ACOT7: variants seen among roughly 807,000 people sequenced by gnomAD.
The protein encoded by ACOT7 is cytosolic acyl coenzyme A thioester hydrolase.
Under a neutral mutation model 40.2 loss-of-function variants are expected in ACOT7, and 12 were observed. That is an observed-to-expected ratio of 0.30 (90% confidence interval 0.19 to 0.48). The LOEUF (loss-of-function observed/expected upper bound fraction) is 0.48, where lower values mean the gene tolerates loss of function less well. Ranked by LOEUF, ACOT7 falls within the 20% of genes least tolerant of loss-of-function variation. The pLI is 0.99. For synonymous variants in ACOT7, 228 were observed against 219.5 expected (o/e 1.04, Z -0.34); for missense variants, 395 against 530.8 (o/e 0.74, Z 2.51).
rs1641851286 is a variant in ACOT7, at chr1:6,359,949, C to T, written c.144-10083G>A. On this transcript the variant is annotated intron_variant, in intron 1 of 8. Coordinates refer to ENST00000361521, the MANE Select transcript of ACOT7 (RefSeq NM_007274.4). The surrounding 1 kb of genome is among the most constrained non-coding windows in gnomAD (Gnocchi z 4.1). ...TGGAACAGCCGGCCCTTATCAAGGC[C>T]CTTATCAAACTGCCAGAGCCTGGGC... Among the ~76,000 whole-genome samples the T allele has an allele frequency of 6.6e-6, 1 of 152,204 alleles. No homozygotes were observed. Among genetic ancestry groups the T allele is most frequent in the Non-Finnish European group, 1.5e-5 (1 of 68,028 alleles).
chr1:6,292,889 CTTT>C (rs973103642), intron 7 of ACOT7, among the ~76,000 whole-genome samples: 2 of 125,084 alleles, frequency 1.6e-5, no homozygotes, highest in Non-Finnish European at 1.7e-5. Context: ...ATTTCTTTTT[CTTT>C]TTTTTTTTTT....
At position 6,362,313 on chromosome 1, in the gene ACOT7, G is replaced by A. The variant is rs577492765; in HGVS notation, c.144-12447C>T. Among the ~76,000 whole-genome samples the A allele has an allele frequency of 1.4e-4, 22 of 151,942 alleles. No individual in the cohort carries two copies. The South Asian group carries it at 4.4e-3, about 30-fold the overall frequency. ...GGGCATGGTGGTGGGCGCCTGTAATGCCAGCTACTTGGGAGGCTAAGGCAA... is the reference window on the plus strand; with the variant it reads ...GGGCATGGTGGTGGGCGCCTGTAATACCAGCTACTTGGGAGGCTAAGGCAA... On this transcript the variant is annotated intron_variant, in intron 1 of 8. Coordinates refer to ENST00000361521, the MANE Select transcript of ACOT7 (RefSeq NM_007274.4).
At chr1:6,286,737 G>A (rs977597501) in intron 7 of ACOT7, among the ~76,000 whole-genome samples, 3 of 152,174 alleles carry the variant, frequency 2.0e-5, no homozygotes, top group Non-Finnish European at 2.9e-5. Flanking sequence ...GGCATTTTGG[G>A]GGTAACTTCC....
intron 8 of ACOT7, among the ~76,000 whole-genome samples, chr1:6,271,355 G>A (rs930991421): frequency 1.3e-5 from 2 of 152,142 alleles, no homozygotes; most frequent in Non-Finnish European, 2.9e-5. Flanking sequence ...GAGGGACACA[G>A]ACCTTCTTAA....
Position 6,337,763 on chromosome 1 carries a change from T to G in ACOT7, c.418+1670A>C, listed in dbSNP as rs374779822. On this transcript the variant is annotated intron_variant, in intron 3 of 8. Coordinates refer to ENST00000361521, the MANE Select transcript of ACOT7 (RefSeq NM_007274.4). ...GCCGAGGCAGCTGGATCACCTGAGG[T>G]CAGGAGTTTCAGACCACCCTGGCCA... Among the ~76,000 whole-genome samples, 212 of 152,042 alleles carry G rather than the reference T, an allele frequency of 1.4e-3. 12 individuals carry two copies. The South Asian group carries it at 0.042, about 30-fold the overall frequency.
At position 6,349,677 on chromosome 1, in the gene ACOT7, C is replaced by T. The variant is rs114500024; in HGVS notation, c.261+72G>A. ...AGGGAAGGCTGCAGGCCTGGCTCCC[C>T]GGGGAACTCCTGTCCTGAACTCACA... is the stretch of plus-strand genomic sequence containing the variant. On this transcript the variant is annotated intron_variant, in intron 2 of 8. Transcript: ENST00000361521. 3,190 of 1,457,124 alleles carry T rather than the reference C, an allele frequency of 2.2e-3. 49 individuals are homozygous for T. In the African/African-American group the frequency reaches 0.036, roughly 17 times the overall value. 90.3% of individuals were successfully genotyped at this position (1,457,124 alleles called of 1,614,324 possible). A position where few individuals can be genotyped will look rare whatever the true frequency, so the allele number is the denominator to read the frequency against.
chr1:6,272,924 G>A (rs2148368042), intron 8 of ACOT7, among the ~76,000 whole-genome samples: 1 of 152,332 alleles, frequency 6.6e-6, no homozygotes, highest in South Asian at 2.1e-4. Flanking sequence ...TCCTGGCAGT[G>A]CTCACTCTGT....
chr1:6,304,073 TAAG>T (rs1640046980), intron 6 of ACOT7, among the ~76,000 whole-genome samples: 2 of 152,082 alleles, frequency 1.3e-5, no homozygotes, highest in South Asian at 2.1e-4. Flanking sequence ...GGCCCACCCC[TAAG>T]AAGGACAGGC....
At chr1:6,354,398 G>A (rs1247831054) in intron 1 of ACOT7, among the ~76,000 whole-genome samples, 1 of 152,262 alleles carries the variant, frequency 6.6e-6, no homozygotes, top group Non-Finnish European at 1.5e-5. Context: ...TGCCCAGCGA[G>A]CTCCAGAAAC....
Position 6,365,712 on chromosome 1 carries a change from G to A in ACOT7, c.144-15846C>T, listed in dbSNP as rs188913179. ...AAACCCGGGAGGCGGAGCTTGCAGT[G>A]AGCCGAGATCGCACCACTGCACTCC... is the stretch of plus-strand genomic sequence containing the variant. On this transcript the variant is annotated intron_variant, in intron 1 of 8. Coordinates refer to ENST00000361521, the MANE Select transcript of ACOT7 (RefSeq NM_007274.4). Among the ~76,000 whole-genome samples the A allele has an allele frequency of 7.7e-4, 116 of 150,342 alleles. 1 individual carries two copies. The highest frequency in any genetic ancestry group is 2.8e-3 in the African/African-American group (115 of 41,024).
chr1:6,339,865 G>A (rs565087981), intron 2 of ACOT7, among the ~76,000 whole-genome samples: 4 of 149,098 alleles, frequency 2.7e-5, no homozygotes, highest in South Asian at 2.2e-4. Context: ...TCAGCCTCCC[G>A]AGTAGCTAGG....
chr1:6,273,173 G>C (rs928745895), intron 8 of ACOT7, among the ~76,000 whole-genome samples: 5 of 152,220 alleles, frequency 3.3e-5, no homozygotes, highest in African/African-American at 1.2e-4. Context: ...GTGGCTGTCT[G>C]GACACAGTGG....
rs7543514 is a variant in ACOT7 at position 6,306,411 on chromosome 1, T to C, written c.713-11431A>G. On this transcript the variant is annotated intron_variant, in intron 6 of 8. Transcript: ENST00000361521. This position sits in a 1 kb window ranked among gnomAD's most constrained non-coding sequence, Gnocchi z 4.3. ...CCTGGGACAGGTGCCTATAGGATGC[T>C]TGGACTGGAGTGATATGAACCCCAC... The C allele has an allele frequency of 0.075, 74,287 of 985,018 alleles. 6,495 individuals are homozygous for C. The highest frequency in any genetic ancestry group is 0.41 in the African/African-American group (23,539 of 57,148). The allele number at this position is 985,018 out of a possible 1,614,324, so 61.0% of individuals were successfully genotyped here.
chr1:6,363,682 G>A (rs929538838), intron 1 of ACOT7, among the ~76,000 whole-genome samples: 18 of 152,210 alleles, frequency 1.2e-4, no homozygotes, highest in African/African-American at 2.9e-4. Flanking sequence ...TGTGACCCAC[G>A]TGACCTTACC....
In ACOT7 at chr1:6,352,594, C is replaced by CTTT. The variant is rs748612683; in HGVS notation, c.144-2731_144-2729dup. Among the ~76,000 whole-genome samples the CTTT allele has an allele frequency of 1.4e-5, 2 of 143,604 alleles. No individual in the cohort carries two copies. The highest frequency in any genetic ancestry group is 5.1e-5 in the African/African-American group (2 of 39,214). 94.2% of individuals were successfully genotyped at this position (143,604 alleles called of 152,430 possible). The stretch of plus-strand genomic sequence containing the variant: ...CACTGGAGACTTCGTTTTCCCATTT[C>CTTT]TTTTTTTTTTTTTTTGAGACGGCGT... On this transcript the variant is annotated intron_variant, in intron 1 of 8. Coordinates refer to ENST00000361521, the MANE Select transcript of ACOT7 (RefSeq NM_007274.4). The surrounding 1 kb of genome is among the most constrained non-coding windows in gnomAD (Gnocchi z 4.5).
chr1:6,285,852 G>T (rs1571270654), intron 7 of ACOT7, among the ~76,000 whole-genome samples: 1 of 152,212 alleles, frequency 6.6e-6, no homozygotes, highest in South Asian at 2.1e-4. Context: ...CGCCAGGCAT[G>T]AGAAGGGCAG....
chr1:6,358,944 C>A lies in ACOT7; in HGVS notation c.144-9078G>T. The A allele has an allele frequency of 1.3e-6, 2 of 1,525,908 alleles. No homozygotes were observed. The highest frequency in any genetic ancestry group is 1.8e-6 in the Non-Finnish European group (2 of 1,131,016). The allele number at this position is 1,525,908 out of a possible 1,614,324, so 94.5% of individuals were successfully genotyped here. ...GACCCAGGACTGTCCCAGCTCCCTGCCACACCGGGCTTGGTGGGGAGCACC... is the reference window on the plus strand; with the variant it reads ...GACCCAGGACTGTCCCAGCTCCCTGACACACCGGGCTTGGTGGGGAGCACC... On this transcript the variant is annotated intron_variant, in intron 1 of 8. Transcript: ENST00000361521. This position sits in a 1 kb window ranked among gnomAD's most constrained non-coding sequence, Gnocchi z 4.1.
chr1:6,329,112 T>C (rs1334612646), intron 4 of ACOT7, among the ~76,000 whole-genome samples: 1 of 152,280 alleles, frequency 6.6e-6, no homozygotes, highest in African/African-American at 2.4e-5. Flanking sequence ...GCAAGTTCAC[T>C]TCAGACGGCT....
chr1:6,350,767 C>T (rs1318087487), intron 1 of ACOT7, among the ~76,000 whole-genome samples: 1 of 152,204 alleles, frequency 6.6e-6, no homozygotes, highest in South Asian at 2.1e-4. Context: ...CCAGGAGCAG[C>T]GTCTCCCCAG....
Sources: gnomAD v4.1 joint callset for allele counts (sites outside exome capture counted in the v4.1 genomes callset) on GRCh38, gnomAD v4.1.1 for gene constraint, Gnocchi (gnomAD v3.1) non-coding constraint, MANE v1.5 for transcripts, NCBI Gene and HGNC (gene_info 2026-07-23, HGNC 2026-07-21) for gene names.